Variants in XKR6 observed in about 807,000 individuals in gnomAD.
The protein encoded by XKR6 is XK related 6.
In XKR6, 22 loss-of-function variants were observed where a neutral mutation model predicts 56.7. That is an observed-to-expected ratio of 0.39 (90% CI 0.28 to 0.55). The LOEUF (loss-of-function observed/expected upper bound fraction) is 0.55, where lower values mean the gene tolerates loss of function less well. Among genes scored for constraint, XKR6 ranks in the 20% least tolerant of loss-of-function variants. The pLI is 0.66. For missense variants in XKR6, 852 were observed against 889.0 expected (o/e 0.96, Z 0.53); for synonymous variants, 524 against 387.8 (o/e 1.35, Z -4.13).
chr8:10,957,730 G>T (rs771027169), intron 1 of XKR6, among the ~76,000 whole-genome samples: 1 of 152,094 alleles, frequency 6.6e-6, no homozygotes, highest in Non-Finnish European at 1.5e-5. Flanking sequence ...CTCACCAATG[G>T]GGGACCTCTC....
intron 1 of XKR6, among the ~76,000 whole-genome samples, chr8:11,085,783 T>G (rs527542702): frequency 7.2e-5 from 11 of 152,206 alleles, no homozygotes; most frequent in Admixed American, 7.2e-4. Context: ...GTTCCACCAG[T>G]CTCTCCCCTT....
At chr8:11,122,161 G>A (rs764797326) in intron 1 of XKR6, among the ~76,000 whole-genome samples, 7 of 152,102 alleles carry the variant, frequency 4.6e-5, no homozygotes, top group Admixed American at 1.3e-4. Flanking sequence ...GTGATCTTAA[G>A]TCTCCAAGCC....
intron 1 of XKR6, among the ~76,000 whole-genome samples, chr8:11,086,198 T>A (rs894929068): frequency 6.6e-5 from 10 of 151,716 alleles, no homozygotes; most frequent in African/African-American, 2.4e-4. Flanking sequence ...TCCAGATTCT[T>A]GCTAATGCAT....
At chr8:11,036,275 G>C (rs1165377815) in intron 1 of XKR6, among the ~76,000 whole-genome samples, 2 of 152,194 alleles carry the variant, frequency 1.3e-5, no homozygotes, top group African/African-American at 2.4e-5. Flanking sequence ...CAGGCAGAGA[G>C]AGAAGCACTT....
intron 1 of XKR6, among the ~76,000 whole-genome samples, chr8:11,078,781 C>T (rs977691894): frequency 2.6e-5 from 4 of 152,174 alleles, no homozygotes; most frequent in African/African-American, 7.2e-5. Context: ...AGGACAGTGA[C>T]GCCAACCCAT....
At chr8:11,016,202 C>T (rs748287916) in intron 1 of XKR6, among the ~76,000 whole-genome samples, 1 of 152,192 alleles carries the variant, frequency 6.6e-6, no homozygotes, top group African/African-American at 2.4e-5. Flanking sequence ...CTAAAAGCCC[C>T]GTCCCCGGGC....
intron 1 of XKR6, among the ~76,000 whole-genome samples, chr8:11,039,279 C>A (rs1203491937): frequency 5.9e-5 from 9 of 152,202 alleles, no homozygotes; most frequent in African/African-American, 2.2e-4. Flanking sequence ...GACTGCAGAT[C>A]CAAAAGGCAG....
chr8:11,093,097 T>C (rs1798133872), intron 1 of XKR6, among the ~76,000 whole-genome samples: 1 of 152,182 alleles, frequency 6.6e-6, no homozygotes, highest in South Asian at 2.1e-4. Context: ...CTCTTGTCAA[T>C]CAGGCTGGAG....
intron 1 of XKR6, among the ~76,000 whole-genome samples, chr8:10,942,192 A>G (rs1801403607): frequency 1.3e-5 from 2 of 152,174 alleles, no homozygotes; most frequent in African/African-American, 4.8e-5. Flanking sequence ...GCATACACAC[A>G]CGGCATTCAC....
chr8:11,133,911 A>AC (rs142674297), intron 1 of XKR6, among the ~76,000 whole-genome samples: 3,847 of 152,192 alleles, frequency 0.025, 163 homozygotes, highest in African/African-American at 0.086. Context: ...TAAAGTCTAA[A>AC]CCCCACAACT....
chr8:10,902,556 C>T (rs1487960581), intron 2 of XKR6, among the ~76,000 whole-genome samples: 2 of 152,236 alleles, frequency 1.3e-5, no homozygotes, highest in African/African-American at 4.8e-5. Context: ...GCAGGCAACA[C>T]CTTTCTCAAG....
chr8:11,007,940 G>GGCAGA (rs1230818931), intron 1 of XKR6, among the ~76,000 whole-genome samples: 1 of 151,986 alleles, frequency 6.6e-6, no homozygotes, highest in African/African-American at 2.4e-5. Flanking sequence ...GGGAGGGCAG[G>GGCAGA]GCAGAGCAGA....
chr8:11,098,141 G>A (rs1798332406), intron 1 of XKR6, among the ~76,000 whole-genome samples: 1 of 152,204 alleles, frequency 6.6e-6, no homozygotes, highest in Admixed American at 6.5e-5. Context: ...TAGGAAGGCA[G>A]AATCCCACGA....
intron 2 of XKR6, among the ~76,000 whole-genome samples, chr8:10,900,003 C>T (rs1799990860): frequency 6.6e-6 from 1 of 152,184 alleles, no homozygotes; most frequent in Non-Finnish European, 1.5e-5. Context: ...TCCCCCATCA[C>T]CAACCCCCAA....
intron 1 of XKR6, among the ~76,000 whole-genome samples, chr8:11,020,778 T>G (rs1798732543): frequency 6.6e-6 from 1 of 152,222 alleles, no homozygotes; most frequent in Middle Eastern, 3.2e-3. Flanking sequence ...TACTGAAGTA[T>G]GCTTCCCCCT....
intron 1 of XKR6, among the ~76,000 whole-genome samples, chr8:11,107,350 C>T (rs556648360): frequency 1.3e-5 from 2 of 152,214 alleles, no homozygotes; most frequent in South Asian, 2.1e-4. Context: ...CAAGTGCACA[C>T]CACCATGCCC....
At chr8:10,992,725 G>C (rs943921003) in intron 1 of XKR6, among the ~76,000 whole-genome samples, 5 of 152,160 alleles carry the variant, frequency 3.3e-5, no homozygotes, top group Non-Finnish European at 1.5e-5. Flanking sequence ...CAGTGACTGT[G>C]CACCAAGTCA....
At chr8:10,941,330 G>A (rs568416644) in intron 1 of XKR6, among the ~76,000 whole-genome samples, 14 of 152,204 alleles carry the variant, frequency 9.2e-5, no homozygotes, top group African/African-American at 1.9e-4. Flanking sequence ...AAGTGATACC[G>A]CTTAGGAGCA....
At chr8:11,072,458 G>A (rs749937484) in intron 1 of XKR6, among the ~76,000 whole-genome samples, 3 of 152,270 alleles carry the variant, frequency 2.0e-5, no homozygotes, top group Non-Finnish European at 4.4e-5. Context: ...TGGAGAGGCA[G>A]CAGAGCTCCT....
Sources: allele counts gnomAD v4.1 joint callset (sites outside exome capture counted in the v4.1 genomes callset), GRCh38; gene constraint gnomAD v4.1.1; transcripts MANE v1.5; gene names NCBI Gene and HGNC (gene_info 2026-07-23, HGNC 2026-07-21).